The following BCKDHB variants were observed in gnomAD, a reference collection of about 807,000 sequenced individuals.
BCKDHB encodes 2-oxoisovalerate dehydrogenase subunit beta, mitochondrial.
BCKDHB carries 41 observed loss-of-function variants against 48.5 expected under a neutral mutation model. That is an observed-to-expected ratio of 0.85 (90% CI 0.66 to 1.10). The LOEUF (loss-of-function observed/expected upper bound fraction) is 1.10, where lower values mean the gene tolerates loss of function less well. Among genes scored for constraint, BCKDHB ranks in the 50% least tolerant of loss-of-function variants. The pLI is 0.00. For synonymous variants in BCKDHB, 201 were observed against 174.8 expected (o/e 1.15, Z -1.18); for missense variants, 496 against 494.2 (o/e 1.00, Z -0.03).
the BCKDHB span, among the ~76,000 whole-genome samples, chr6:80,413,993 C>G: frequency 9.2e-5 from 14 of 152,258 alleles, no homozygotes; most frequent in Middle Eastern, 3.4e-3. Flanking sequence ...AACAGCCATT[C>G]TGACTGATGT....
chr6:80,158,541 C>G (rs967632338), intron 3 of BCKDHB, among the ~76,000 whole-genome samples: 1 of 152,126 alleles, frequency 6.6e-6, no homozygotes, highest in Non-Finnish European at 1.5e-5. Context: ...TGCTTTAAAG[C>G]AAAAGCAGAA....
chr6:80,200,894 G>GA (rs35288562), intron 6 of BCKDHB, 40 bp from the exon 7 acceptor site: 6 of 1,490,494 alleles, frequency 4.0e-6, no homozygotes, highest in African/African-American at 1.4e-5. Flanking sequence ...TGTCACCTCA[G>GA]AAAAAATGTC....
At chr6:80,463,591 T>A in the BCKDHB span, among the ~76,000 whole-genome samples, 1 of 151,074 alleles carries the variant, frequency 6.6e-6, no homozygotes, top group Non-Finnish European at 1.5e-5. Context: ...TCAATATACT[T>A]TTTTTTTTCC....
At chr6:80,356,949 C>G in the BCKDHB span, 5 of 58,728 alleles carry the variant, frequency 8.5e-5, no homozygotes, top group Non-Finnish European at 1.5e-4. Flanking sequence ...CGCCCCCGCC[C>G]CCGCCCCCCC....
In BCKDHB at chr6:80,345,555, A is replaced by T. The variant is rs973569602; in HGVS notation, c.*1751A>T. 6 of 152,236 alleles carry T rather than the reference A, an allele frequency of 3.9e-5. No individual in the cohort carries two copies. The highest frequency in any genetic ancestry group is 1.4e-4 in the African/African-American group (6 of 41,462). 9.4% of individuals were successfully genotyped at this position (152,236 alleles called of 1,614,324 possible). On this transcript the variant is annotated 3_prime_UTR_variant, in exon 10 of 10. Transcript: ENST00000320393. ...AGTCTAAGAATATTGTTATAGATGG[A>T]AGTTAGGACCATTAGCCCACAGATG...
At position 80,307,245 on chromosome 6, in the gene BCKDHB, T is replaced by C. The variant is rs983444090; in HGVS notation, c.1038+34024T>C. Among the ~76,000 whole-genome samples, 44 of 152,330 alleles carry C rather than the reference T, an allele frequency of 2.9e-4. 1 individual carries two copies. The highest frequency in any genetic ancestry group is 9.4e-4 in the African/African-American group (39 of 41,580). On this transcript the variant is annotated intron_variant, in intron 9 of 9. Coordinates refer to ENST00000320393, the MANE Select transcript of BCKDHB (RefSeq NM_183050.4). The stretch of plus-strand genomic sequence containing the variant: ...AGAAACTTATTTTCATGTATAAATA[T>C]AAATCTCAATTCCTTATTTGTAAAC...
At chr6:80,446,286 A>G in the BCKDHB span, among the ~76,000 whole-genome samples, 134,536 of 152,294 alleles carry the variant, frequency 0.88, 59,788 homozygotes, top group East Asian at 0.95. Flanking sequence ...GCTCATATTT[A>G]AAACTGTGTA....
chr6:80,279,804 T>G (rs1290556996), intron 9 of BCKDHB, among the ~76,000 whole-genome samples: 1 of 152,186 alleles, frequency 6.6e-6, no homozygotes, highest in Non-Finnish European at 1.5e-5. Context: ...GTCCTTGTTT[T>G]AGAGACACTT....
intron 1 of BCKDHB, among the ~76,000 whole-genome samples, chr6:80,114,539 A>T (rs1171786948): frequency 6.6e-6 from 1 of 152,098 alleles, no homozygotes; most frequent in African/African-American, 2.4e-5. Flanking sequence ...ATGAGCCACC[A>T]CGCCTGGCTA....
chr6:80,218,718 A>G (rs1459706687), intron 8 of BCKDHB, among the ~76,000 whole-genome samples: 1 of 152,168 alleles, frequency 6.6e-6, no homozygotes, highest in Non-Finnish European at 1.5e-5. Context: ...GATGATGTTA[A>G]TGCCCTCTAC....
intron 8 of BCKDHB, among the ~76,000 whole-genome samples, chr6:80,241,113 G>A (rs1562166855): frequency 6.6e-6 from 1 of 151,966 alleles, no homozygotes; most frequent in East Asian, 1.9e-4. Flanking sequence ...GTCATTTAAG[G>A]TCTTCTCTAT....
intron 3 of BCKDHB, among the ~76,000 whole-genome samples, chr6:80,143,666 T>G (rs564346766): frequency 1.1e-4 from 16 of 152,166 alleles, no homozygotes; most frequent in Non-Finnish European, 2.4e-4. Context: ...AGAAATCACT[T>G]GTGAAGCTTG....
intron 7 of BCKDHB, among the ~76,000 whole-genome samples, chr6:80,202,274 C>T (rs1266158126): frequency 6.6e-6 from 1 of 152,128 alleles, no homozygotes; most frequent in Non-Finnish European, 1.5e-5. Context: ...ATTTTACCTT[C>T]TCCAGGACTG....
At chr6:80,158,988 C>T (rs190880388) in intron 3 of BCKDHB, among the ~76,000 whole-genome samples, 19 of 152,272 alleles carry the variant, frequency 1.2e-4, no homozygotes, top group Admixed American at 2.6e-4. Context: ...GCCTAATTTA[C>T]GATGCTAATA....
chr6:80,338,900 A>C (rs1769741887), intron 9 of BCKDHB, among the ~76,000 whole-genome samples: 1 of 152,194 alleles, frequency 6.6e-6, no homozygotes, highest in Admixed American at 6.5e-5. Context: ...GATGTTGAAT[A>C]AACAGTATAA....
the BCKDHB span, among the ~76,000 whole-genome samples, chr6:80,419,713 G>A: frequency 2.6e-5 from 4 of 152,190 alleles, no homozygotes; most frequent in African/African-American, 9.7e-5. Context: ...TGGTGAGATA[G>A]GATTGCTCCT....
At chr6:80,239,272 G>T (rs1398068587) in intron 8 of BCKDHB, among the ~76,000 whole-genome samples, 2 of 152,096 alleles carry the variant, frequency 1.3e-5, no homozygotes, top group Non-Finnish European at 2.9e-5. Context: ...GTTGTTTCCT[G>T]ACTTTTTAAT....
At chr6:80,304,989 C>T (rs1053086691) in intron 9 of BCKDHB, among the ~76,000 whole-genome samples, 1 of 151,962 alleles carries the variant, frequency 6.6e-6, no homozygotes. Context: ...TATCAGAAAC[C>T]ATGAAACCTA....
intron 8 of BCKDHB, among the ~76,000 whole-genome samples, chr6:80,261,277 A>G (rs1290505366): frequency 1.3e-5 from 2 of 151,998 alleles, no homozygotes; most frequent in Non-Finnish European, 2.9e-5. Context: ...GGACTTTGGG[A>G]AAGGACAAAT....
Sources: gnomAD v4.1 joint callset for allele counts (sites outside exome capture counted in the v4.1 genomes callset) on GRCh38, gnomAD v4.1.1 for gene constraint, MANE v1.5 for transcripts, NCBI Gene and HGNC (gene_info 2026-07-23, HGNC 2026-07-21) for gene names.